Variants in SPTBN1 observed in about 807,000 individuals in gnomAD.
The protein encoded by SPTBN1 is spectrin beta, non-erythrocytic 1.
Under a neutral mutation model 266.4 loss-of-function variants are expected in SPTBN1, and 32 were observed. The ratio of observed to expected loss-of-function variants is 0.12; its 90% CI spans 0.09 to 0.16. The LOEUF is 0.16. SPTBN1 is among the 10% of genes least tolerant of loss of function. The pLI is 1.00. For missense variants in SPTBN1, 2,296 were observed against 3,067.1 expected (o/e 0.75, Z 5.94); for synonymous variants, 1,336 against 1,162.2 (o/e 1.15, Z -3.04).
rs969914985 is a variant in SPTBN1, at chr2:54,653,973, G to A, written c.5822+120G>A. 3.2e-5 allele frequency: 47 copies of A among 1,454,764 alleles called. No homozygotes were observed. Among genetic ancestry groups the A allele is most frequent in the East Asian group, 9.8e-5 (4 of 40,944 alleles). The allele number at this position is 1,454,764 out of a possible 1,614,324, so 90.1% of individuals were successfully genotyped here. A position where few individuals can be genotyped will look rare whatever the true frequency, so the allele number is the denominator to read the frequency against. On this transcript the variant is annotated intron_variant, in intron 27 of 35. Transcript: ENST00000356805. This position sits in a 1 kb window ranked among gnomAD's most constrained non-coding sequence, Gnocchi z 5.1. ...TGCCTGAGCGCTTCAAGGCCAGAGTGGGGGTGGGGCGGTGCTTGGAGTGCG... is the reference window on the plus strand; with the variant it reads ...TGCCTGAGCGCTTCAAGGCCAGAGTAGGGGTGGGGCGGTGCTTGGAGTGCG...
Position 54,628,814 on chromosome 2 carries a change from A to T in SPTBN1, c.1799-119A>T. On this transcript the variant is annotated intron_variant, in intron 13 of 35. Transcript: ENST00000356805. This position sits in a 1 kb window ranked among gnomAD's most constrained non-coding sequence, Gnocchi z 4.3. ...TGCCTTATCGCATGGCCCTGCATTT[A>T]CATTTAGCAGTGAGCTGGTAATCAT... 1 of 1,333,958 alleles carries T rather than the reference A, an allele frequency of 7.5e-7. No individual in the cohort carries two copies. The highest frequency in any genetic ancestry group is 1.0e-6 in the Non-Finnish European group (1 of 987,200). The allele number at this position is 1,333,958 out of a possible 1,614,324, so 82.6% of individuals were successfully genotyped here. A position where few individuals can be genotyped will look rare whatever the true frequency, so the allele number is the denominator to read the frequency against.
Position 54,641,080 on chromosome 2 carries a change from C to T in SPTBN1, c.3859-1903C>T, listed in dbSNP as rs150573058. ...TTTTTCCTTATCTTTTTCCAGTCTG[C>T]ACAGTGTTCTTTTCTGCAGAGAATG... On this transcript the variant is annotated intron_variant, in intron 18 of 35. Coordinates refer to ENST00000356805, the MANE Select transcript of SPTBN1 (RefSeq NM_003128.3). 1.2e-4 allele frequency among the ~76,000 whole-genome samples: 18 copies of T among 152,306 alleles called. 1 individual carries two copies. In the East Asian group the frequency reaches 3.3e-3, roughly 28 times the overall value.
chr2:54,559,402 T>C (rs942032516), intron 2 of SPTBN1, among the ~76,000 whole-genome samples: 2 of 152,226 alleles, frequency 1.3e-5, no homozygotes, highest in Admixed American at 6.5e-5. Flanking sequence ...ATTTTTCTGA[T>C]GTGTTGGGAA....
In SPTBN1 at chr2:54,628,821, G is replaced by T. The variant is rs1678531996; in HGVS notation, c.1799-112G>T. 1 of 1,373,716 alleles carries T rather than the reference G, an allele frequency of 7.3e-7. No individual in the cohort carries two copies. Among genetic ancestry groups the T allele is most frequent in the African/African-American group, 1.4e-5 (1 of 68,980 alleles). The allele number at this position is 1,373,716 out of a possible 1,614,324, so 85.1% of individuals were successfully genotyped here. Reference sequence around the variant, plus strand: ...TCGCATGGCCCTGCATTTACATTTAGCAGTGAGCTGGTAATCATAAGAATA... The same window carrying T: ...TCGCATGGCCCTGCATTTACATTTATCAGTGAGCTGGTAATCATAAGAATA... On this transcript the variant is annotated intron_variant, in intron 13 of 35. Coordinates refer to ENST00000356805, the MANE Select transcript of SPTBN1 (RefSeq NM_003128.3). The surrounding 1 kb of genome is among the most constrained non-coding windows in gnomAD (Gnocchi z 4.3).
intron 1 of SPTBN1, among the ~76,000 whole-genome samples, chr2:54,513,575 T>C (rs890480034): frequency 6.6e-6 from 1 of 152,208 alleles, no homozygotes; most frequent in Non-Finnish European, 1.5e-5. Context: ...TATACTCTAA[T>C]GTAATTTAAA....
At chr2:54,459,213 G>C (rs1330426753) in intron 1 of SPTBN1, among the ~76,000 whole-genome samples, 2 of 152,226 alleles carry the variant, frequency 1.3e-5, no homozygotes. Flanking sequence ...ACCTTCATCT[G>C]AGAGGAGAAG....
intron 1 of SPTBN1, among the ~76,000 whole-genome samples, chr2:54,484,917 G>A (rs1446908125): frequency 7.9e-5 from 12 of 151,676 alleles, no homozygotes; most frequent in Non-Finnish European, 1.3e-4. Flanking sequence ...TAGTATGTCA[G>A]CGCTATAAAG....
chr2:54,664,760 T>C lies in SPTBN1; in HGVS notation c.6659+69T>C. 1 of 1,484,050 alleles carries C rather than the reference T, an allele frequency of 6.7e-7. No homozygotes were observed. Among genetic ancestry groups the C allele is most frequent in the Non-Finnish European group, 9.3e-7 (1 of 1,078,778 alleles). The allele number at this position is 1,484,050 out of a possible 1,614,324, so 91.9% of individuals were successfully genotyped here. ...TGTGAAGGGATAAGGCGGGCCACTC[T>C]TGAATTGGAAGAGAAGTATGTGCTC... On this transcript the variant is annotated intron_variant, in intron 33 of 35. Transcript: ENST00000356805. This position sits in a 1 kb window ranked among gnomAD's most constrained non-coding sequence, Gnocchi z 5.6.
intron 9 of SPTBN1, 63 bp from the exon 10 acceptor site, chr2:54,623,416 A>G (rs1433354650): frequency 3.5e-6 from 5 of 1,424,772 alleles, no homozygotes; most frequent in Non-Finnish European, 4.9e-6. Flanking sequence ...GGTTTTTAAA[A>G]TGCATGACAG....
chr2:54,472,026 T>TC (rs1432437679), intron 1 of SPTBN1, among the ~76,000 whole-genome samples: 1 of 109,930 alleles, frequency 9.1e-6, no homozygotes, highest in Non-Finnish European at 1.8e-5. Flanking sequence ...GAAGATGTTT[T>TC]TTTTTTTTTT....
Position 54,628,091 on chromosome 2 carries a change from G to A in SPTBN1, c.1645-6G>A. ...AGATGTCCTTTTGGTTGCTTCTTGT[G>A]CACAGGTGCTAGTATTGTCTCAAGA... On this transcript the variant is annotated splice_region_variant and splice_polypyrimidine_tract_variant and intron_variant, in intron 12 of 35. Transcript: ENST00000356805. This position sits in a 1 kb window ranked among gnomAD's most constrained non-coding sequence, Gnocchi z 4.3. 6.2e-7 allele frequency: 1 copy of A among 1,605,328 alleles called. No individual in the cohort carries two copies. Among genetic ancestry groups the A allele is most frequent in the Non-Finnish European group, 8.5e-7 (1 of 1,175,798 alleles).
intron 30 of SPTBN1, 23 bp from the exon 31 acceptor site, chr2:54,659,131 A>G (rs1004447024): frequency 2.5e-6 from 4 of 1,612,958 alleles, no homozygotes; most frequent in Non-Finnish European, 2.5e-6. Flanking sequence ...GACTCTACCA[A>G]ACATCACTCT....
chr2:54,573,216 C>T (rs1046689566), intron 2 of SPTBN1, among the ~76,000 whole-genome samples: 16 of 152,152 alleles, frequency 1.1e-4, no homozygotes, highest in Non-Finnish European at 2.9e-5. Flanking sequence ...CTTAGTAAAG[C>T]GGTCCCCAGC....
intron 1 of SPTBN1, among the ~76,000 whole-genome samples, chr2:54,496,795 A>G (rs1668993295): frequency 1.3e-5 from 2 of 152,320 alleles, no homozygotes; most frequent in South Asian, 4.1e-4. Flanking sequence ...CCTCTGTACA[A>G]GGTTGATGGG....
At chr2:54,652,960 G>C (rs1680398267) in intron 26 of SPTBN1, 1 of 152,012 alleles carries the variant, frequency 6.6e-6, no homozygotes, top group Non-Finnish European at 1.5e-5. Context: ...GTAGATGTAA[G>C]TAGAAGTGTA....
chr2:54,521,332 C>T (rs931364132), intron 1 of SPTBN1, among the ~76,000 whole-genome samples: 1 of 152,098 alleles, frequency 6.6e-6, no homozygotes, highest in Non-Finnish European at 1.5e-5. Flanking sequence ...ATGGTGGGAG[C>T]GAGGGATGTT....
At chr2:54,571,993 T>C (rs1373914539) in intron 2 of SPTBN1, among the ~76,000 whole-genome samples, 1 of 152,182 alleles carries the variant, frequency 6.6e-6, no homozygotes, top group Non-Finnish European at 1.5e-5. Context: ...AAATGAAGTT[T>C]AATATGACCC....
rs571686586 is a variant in SPTBN1 at position 54,664,097 on chromosome 2, G to A, written c.6421-356G>A. Reference sequence around the variant, plus strand: ...GGTTGTAAGGTGGCTGCTGTATAACGTCCACTCTCTTTCATATTTAATATG... The same window carrying A: ...GGTTGTAAGGTGGCTGCTGTATAACATCCACTCTCTTTCATATTTAATATG... On this transcript the variant is annotated intron_variant, in intron 32 of 35. Transcript: ENST00000356805. This position sits in a 1 kb window ranked among gnomAD's most constrained non-coding sequence, Gnocchi z 5.6. The A allele has an allele frequency of 5.1e-5, 9 of 175,026 alleles. No individual in the cohort carries two copies. Among genetic ancestry groups the A allele is most frequent in the South Asian group, 3.3e-4 (2 of 6,134 alleles). The allele number at this position is 175,026 out of a possible 1,614,324, so 10.8% of individuals were successfully genotyped here. A position where few individuals can be genotyped will look rare whatever the true frequency, so the allele number is the denominator to read the frequency against.
At chr2:54,470,459 T>C (rs559772705) in intron 1 of SPTBN1, among the ~76,000 whole-genome samples, 1 of 152,354 alleles carries the variant, frequency 6.6e-6, no homozygotes, top group South Asian at 2.1e-4. Context: ...GTAAAGAGTG[T>C]ATCGGTAGCT....
Sources: gnomAD v4.1 joint callset for allele counts (sites outside exome capture counted in the v4.1 genomes callset) on GRCh38, gnomAD v4.1.1 for gene constraint, Gnocchi (gnomAD v3.1) non-coding constraint, MANE v1.5 for transcripts, NCBI Gene and HGNC (gene_info 2026-07-23, HGNC 2026-07-21) for gene names.